CLUL1: variants seen among roughly 807,000 people sequenced by gnomAD.
CLUL1 encodes clusterin-like protein 1.
Under a neutral mutation model 49.4 loss-of-function variants are expected in CLUL1, and 43 were observed. The observed-to-expected ratio is 0.87, with a 90% confidence interval of 0.68 to 1.12. The LOEUF is 1.12. Ranked by LOEUF, CLUL1 falls within the 50% of genes most tolerant of loss-of-function variation. The probability of loss-of-function intolerance (pLI) is 0.00; values close to 1 mark genes in which losing one functional copy is unlikely to be tolerated. For synonymous variants in CLUL1, 192 were observed against 184.9 expected, an observed-to-expected ratio of 1.04 and a Z score of -0.31; for missense variants, 486 against 544.4, an observed-to-expected ratio of 0.89 and a Z score of 1.07.
chr18:626,864 T>TAAGAAAGA (rs1555633334), intron 5 of CLUL1, among the ~76,000 whole-genome samples: 1 of 70,798 alleles, frequency 1.4e-5, no homozygotes, highest in African/African-American at 5.2e-5. Flanking sequence ...CCATCTCAAA[T>TAAGAAAGA]AAGAAAGAAA....
chr18:649,522 C>CCAT lies in CLUL1; in HGVS notation c.1398-365_1398-363dup, dbSNP rs565493503. 1.3e-4 allele frequency: 22 copies of CCAT among 163,932 alleles called. No individual in the cohort carries two copies. In the South Asian group the frequency reaches 3.8e-3, roughly 28 times the overall value. The allele number at this position is 163,932 out of a possible 1,614,324, so 10.2% of individuals were successfully genotyped here. A position where few individuals can be genotyped will look rare whatever the true frequency, so the allele number is the denominator to read the frequency against. On this transcript the variant is annotated intron_variant, in intron 9 of 9. Coordinates refer to ENST00000692774, the MANE Select transcript of CLUL1 (RefSeq NM_001393344.1). ...ATAAGCTTTTGTAGATGGGCTCTTA[C>CCAT]CATCATCATCATCGTGAAAGGCAAA... is the stretch of plus-strand genomic sequence containing the variant.
At chr18:631,737 A>G (rs950315955) in intron 6 of CLUL1, among the ~76,000 whole-genome samples, 1 of 152,194 alleles carries the variant, frequency 6.6e-6, no homozygotes, top group African/African-American at 2.4e-5. Context: ...ACATCACCAT[A>G]TTGTGGGTAA....
intron 2 of CLUL1, among the ~76,000 whole-genome samples, 151 bp downstream of exon 2, chr18:607,250 C>T (rs553189538): frequency 2.0e-5 from 3 of 152,294 alleles, no homozygotes; most frequent in Admixed American, 6.5e-5. Context: ...GCCTCAGCCT[C>T]CCTACTAGCT....
chr18:627,293 A>C lies in CLUL1; in HGVS notation c.620A>C (p.Gln207Pro), dbSNP rs564780184. The C allele has an allele frequency of 3.1e-6, 5 of 1,614,094 alleles. No individual in the cohort carries two copies. In the African/African-American group the frequency reaches 6.7e-5, roughly 22 times the overall value. Reference protein sequence around the residue: ...RSFNVFRQMQQEFDQTFQSHF... With the variant: ...RSFNVFRQMQPEFDQTFQSHF... ...TTTAACGTCTTCAGACAGATGCAGC[A>C]AGAGTTTGACCAGACTTTTCAATCA... Residue 207 changes from glutamine (Q) to proline (P), a missense_variant, in exon 6 of 10, where the codon CAA becomes CCA. Coordinates refer to ENST00000692774, the MANE Select transcript of CLUL1 (RefSeq NM_001393344.1).
chr18:614,195 T>C (rs1220583828), intron 2 of CLUL1, among the ~76,000 whole-genome samples: 5 of 152,174 alleles, frequency 3.3e-5, no homozygotes, highest in Non-Finnish European at 7.3e-5. Flanking sequence ...AAATTTTTAA[T>C]TGAGGATTTA....
intron 6 of CLUL1, among the ~76,000 whole-genome samples, chr18:632,257 T>G (rs1325723895): frequency 6.6e-6 from 1 of 152,172 alleles, no homozygotes; most frequent in Non-Finnish European, 1.5e-5. Flanking sequence ...GATATTTTCC[T>G]AAATCTTTGA....
intron 1 of CLUL1, among the ~76,000 whole-genome samples, chr18:599,703 T>C (rs1813041108): frequency 6.6e-6 from 1 of 152,014 alleles, no homozygotes; most frequent in Admixed American, 6.6e-5. Context: ...GAAGCTGAGG[T>C]GGGTAGATCA....
At chr18:604,461 A>T (rs559182286) in intron 1 of CLUL1, among the ~76,000 whole-genome samples, 2 of 152,362 alleles carry the variant, frequency 1.3e-5, no homozygotes, top group South Asian at 4.1e-4. Flanking sequence ...GAAGAGTGGC[A>T]TAAGTAGTAA....
At chr18:630,672 C>CTTTTTTTTTTTTTTTTTT (rs36222515) in intron 6 of CLUL1, among the ~76,000 whole-genome samples, 3 of 61,998 alleles carry the variant, frequency 4.8e-5, no homozygotes, top group African/African-American at 1.4e-4. Context: ...CTACTGACAT[C>CTTTTTTTTTTTTTTTTTT]TTTTTTTTTT....
In CLUL1 at chr18:626,392, G is replaced by T. The variant is rs533331989; in HGVS notation, c.424-705G>T. ...GAAAACTTGACCTTTTTAGGCTATT[G>T]GTGGGCAATGTAAACCAGGAGAAAT... On this transcript the variant is annotated intron_variant, in intron 5 of 9. Coordinates refer to ENST00000692774, the MANE Select transcript of CLUL1 (RefSeq NM_001393344.1). 3.9e-5 allele frequency among the ~76,000 whole-genome samples: 6 copies of T among 152,196 alleles called. No homozygotes were observed. In the East Asian group the frequency reaches 5.8e-4, roughly 15 times the overall value.
intron 4 of CLUL1, among the ~76,000 whole-genome samples, chr18:623,422 A>T (rs2073567339): frequency 6.6e-6 from 1 of 152,136 alleles, no homozygotes; most frequent in Non-Finnish European, 1.5e-5. Context: ...ACCTGGGCAG[A>T]TCACTTGAGG....
chr18:635,635 A>G (rs188241634), intron 7 of CLUL1, among the ~76,000 whole-genome samples: 267 of 152,266 alleles, frequency 1.8e-3, no homozygotes, highest in African/African-American at 5.9e-3. Flanking sequence ...ATTTATATCA[A>G]CGCAAAGAAC....
chr18:648,159 G>A (rs1598453847), intron 9 of CLUL1, among the ~76,000 whole-genome samples: 1 of 152,348 alleles, frequency 6.6e-6, no homozygotes, highest in South Asian at 2.1e-4. Flanking sequence ...AGACACGATA[G>A]GTTTTAGAGA....
In CLUL1 at chr18:606,847, C is replaced by A. The variant is rs942038160; in HGVS notation, c.-135-131C>A. On this transcript the variant is annotated intron_variant, in intron 1 of 9. Transcript: ENST00000692774. The surrounding 1 kb of genome is among the most constrained non-coding windows in gnomAD (Gnocchi z 4.1). ...ATGTTCTTGGGCATCTGCCTTCCCC[C>A]ACCAGCACCCCCCACAAGGCAAGGC... 10 of 501,678 alleles carry A rather than the reference C, an allele frequency of 2.0e-5. No individual in the cohort carries two copies. Among genetic ancestry groups the A allele is most frequent in the African/African-American group, 1.6e-4 (8 of 51,226 alleles). The allele number at this position is 501,678 out of a possible 1,614,324, so 31.1% of individuals were successfully genotyped here.
Position 641,531 on chromosome 18 carries a change from A to T in CLUL1, c.1199A>T (p.Asn400Ile). 6.2e-7 allele frequency: 1 copy of T among 1,614,036 alleles called. No individual in the cohort carries two copies. Among genetic ancestry groups the T allele is most frequent in the Non-Finnish European group, 8.5e-7 (1 of 1,179,920 alleles). The change falls in exon 8 of 10, where the codon AAT (asparagine) becomes ATT (isoleucine). Residue 400 changes from asparagine (N) to isoleucine (I), a missense_variant. Coordinates refer to ENST00000692774, the MANE Select transcript of CLUL1 (RefSeq NM_001393344.1). Reference sequence around the variant, plus strand: ...GCCCCAGAAACAGAGATCATCTTTAATTCAATACAGGTAAAGGAGAGACCC... The same window carrying T: ...GCCCCAGAAACAGAGATCATCTTTATTTCAATACAGGTAAAGGAGAGACCC... Reference protein sequence around the residue: ...NQAPETEIIFNSIQVVPRIHE... With the variant: ...NQAPETEIIFISIQVVPRIHE...
chr18:647,129 A>T (rs1433572895), intron 9 of CLUL1, among the ~76,000 whole-genome samples: 1 of 152,226 alleles, frequency 6.6e-6, no homozygotes, highest in Non-Finnish European at 1.5e-5. Flanking sequence ...CAAAGTGTAT[A>T]GGTTGGAGAG....
At chr18:638,819 C>A (rs2074237227) in intron 7 of CLUL1, among the ~76,000 whole-genome samples, 1 of 151,794 alleles carries the variant, frequency 6.6e-6, no homozygotes, top group African/African-American at 2.4e-5. Context: ...GATCAAGCAA[C>A]TGCACTCCAG....
At chr18:622,209 C>T (rs1353189774) in intron 4 of CLUL1, among the ~76,000 whole-genome samples, 2 of 152,196 alleles carry the variant, frequency 1.3e-5, no homozygotes, top group Non-Finnish European at 2.9e-5. Context: ...CCAGCATCCT[C>T]ACTGTCCCCT....
chr18:641,287 T>C (rs2074336409), intron 7 of CLUL1, 40 bp from the exon 8 acceptor site: 1 of 1,583,786 alleles, frequency 6.3e-7, no homozygotes, highest in East Asian at 2.2e-5. Flanking sequence ...CCAAGTTTCA[T>C]GGACTTTTTC....
Sources: gnomAD v4.1 joint callset for allele counts (sites outside exome capture counted in the v4.1 genomes callset) on GRCh38, gnomAD v4.1.1 for gene constraint, Gnocchi (gnomAD v3.1) non-coding constraint, MANE v1.5 for transcripts, NCBI Gene and HGNC (gene_info 2026-07-23, HGNC 2026-07-21) for gene names.